ARNT2: variants seen among roughly 807,000 people sequenced by gnomAD.
ARNT2 encodes the protein aryl hydrocarbon receptor nuclear translocator 2.
Under a neutral mutation model 91.7 loss-of-function variants are expected in ARNT2, and 36 were observed. The ratio of observed to expected loss-of-function variants is 0.39; its 90% CI spans 0.30 to 0.52. The LOEUF (loss-of-function observed/expected upper bound fraction) is 0.52, where lower values mean the gene tolerates loss of function less well. ARNT2 is among the 20% of genes least tolerant of loss of function. The probability of loss-of-function intolerance (pLI) is 0.72; values close to 1 mark genes in which losing one functional copy is unlikely to be tolerated. For missense variants in ARNT2, 775 were observed against 939.3 expected (o/e 0.83, Z 2.29); for synonymous variants, 365 against 347.1 (o/e 1.05, Z -0.57).
intron 8 of ARNT2, among the ~76,000 whole-genome samples, chr15:80,517,606 T>A (rs1157471090): frequency 6.6e-6 from 1 of 151,926 alleles, no homozygotes; most frequent in Non-Finnish European, 1.5e-5. Context: ...TTTGAAATTG[T>A]ACCACAATTT....
intron 1 of ARNT2, among the ~76,000 whole-genome samples, chr15:80,426,083 A>G (rs1895928588): frequency 6.6e-6 from 1 of 152,168 alleles, no homozygotes; most frequent in Non-Finnish European, 1.5e-5. Flanking sequence ...AGAAAAGAAA[A>G]GAAACTCTAT....
At position 80,427,229 on chromosome 15, in the gene ARNT2, C is replaced by T. The variant is rs555238707; in HGVS notation, c.31+22683C>T. 4.6e-5 allele frequency among the ~76,000 whole-genome samples: 7 copies of T among 152,278 alleles called. 1 individual carries two copies. The South Asian group carries it at 1.2e-3, about 27-fold the overall frequency. On this transcript the variant is annotated intron_variant, in intron 1 of 18. Transcript: ENST00000303329. Reference sequence around the variant, plus strand: ...GAAGGGCATCAGCAGGAGGACCTGACCACTGGGGCTGGGGCTGTGTGAGTG... The same window carrying T: ...GAAGGGCATCAGCAGGAGGACCTGATCACTGGGGCTGGGGCTGTGTGAGTG...
Position 80,404,500 on chromosome 15 carries a change from A to C in ARNT2, c.-16A>C, listed in dbSNP as rs776919640. 5 of 1,236,218 alleles carry C rather than the reference A, an allele frequency of 4.0e-6. No homozygotes were observed. In the African/African-American group the frequency reaches 6.5e-5, roughly 16 times the overall value. The allele number at this position is 1,236,218 out of a possible 1,614,324, so 76.6% of individuals were successfully genotyped here. A position where few individuals can be genotyped will look rare whatever the true frequency, so the allele number is the denominator to read the frequency against. On this transcript the variant is annotated 5_prime_UTR_variant, in exon 1 of 19. Transcript: ENST00000303329. The surrounding 1 kb of genome is among the most constrained non-coding windows in gnomAD (Gnocchi z 5.5). ...CCGCGCCCCTGCCAAGCGGGCGCCT[A>C]TCCTCTCCGAGCAAGATGGCAACCC...
intron 3 of ARNT2, among the ~76,000 whole-genome samples, chr15:80,461,832 A>G (rs1224964733): frequency 1.3e-5 from 2 of 152,180 alleles, no homozygotes; most frequent in African/African-American, 2.4e-5. Flanking sequence ...GGGCTCAGCC[A>G]AGAAAGCAGC....
intron 12 of ARNT2, among the ~76,000 whole-genome samples, chr15:80,564,349 C>G (rs1898433089): frequency 6.6e-6 from 1 of 152,182 alleles, no homozygotes; most frequent in Admixed American, 6.5e-5. Flanking sequence ...GCTCTGCCCT[C>G]TGTTGCCGTC....
chr15:80,527,516 G>A (rs1055382552), intron 8 of ARNT2, among the ~76,000 whole-genome samples: 9 of 152,184 alleles, frequency 5.9e-5, no homozygotes, highest in African/African-American at 1.7e-4. Flanking sequence ...TACAAGCATG[G>A]GAAATAGTGT....
chr15:80,455,561 G>A (rs1896470007), intron 2 of ARNT2, among the ~76,000 whole-genome samples: 1 of 152,048 alleles, frequency 6.6e-6, no homozygotes, highest in Non-Finnish European at 1.5e-5. Flanking sequence ...AAAGGGCTGG[G>A]TAAAGAACAG....
rs76700021 is a variant in ARNT2, at chr15:80,591,495, G to T, written c.1919-73G>T. ...TTCAGAAGCGGGAGGCCCTCCAGCC[G>T]CAGTGGTTCTTAGGTCTCACAGAAC... On this transcript the variant is annotated intron_variant, in intron 17 of 18. Transcript: ENST00000303329. This position sits in a 1 kb window ranked among gnomAD's most constrained non-coding sequence, Gnocchi z 5.1. 119,769 of 1,584,396 alleles carry T rather than the reference G, an allele frequency of 0.076. 5,277 individuals carry two copies. The highest frequency in any genetic ancestry group is 0.13 in the Admixed American group (7,806 of 59,182).
At chr15:80,571,208 C>T (rs1199205795) in intron 12 of ARNT2, among the ~76,000 whole-genome samples, 4 of 152,144 alleles carry the variant, frequency 2.6e-5, no homozygotes, top group African/African-American at 2.4e-5. Context: ...TGCCCCAAAA[C>T]GTAGTGAGCT....
At chr15:80,517,866 A>G (rs1897465832) in intron 8 of ARNT2, among the ~76,000 whole-genome samples, 1 of 151,912 alleles carries the variant, frequency 6.6e-6, no homozygotes, top group African/African-American at 2.4e-5. Flanking sequence ...TAGAGTTTCC[A>G]TCTCTCTGCT....
chr15:80,567,433 C>T (rs117369199), intron 12 of ARNT2, among the ~76,000 whole-genome samples: 2,459 of 152,260 alleles, frequency 0.016, 38 homozygotes, highest in East Asian at 0.065. Context: ...CTTGAGCTCC[C>T]ATAACGTTCT....
intron 1 of ARNT2, among the ~76,000 whole-genome samples, chr15:80,435,838 A>C (rs1036979549): frequency 3.9e-5 from 6 of 151,990 alleles, no homozygotes; most frequent in Non-Finnish European, 5.9e-5. Flanking sequence ...CATCCGTGTC[A>C]AAAATATGTG....
chr15:80,501,646 C>T (rs74029841), intron 5 of ARNT2, among the ~76,000 whole-genome samples: 2,666 of 152,286 alleles, frequency 0.018, 82 homozygotes, highest in African/African-American at 0.061. Flanking sequence ...GGGCTAACTC[C>T]CGGTCTCAGG....
chr15:80,549,351 G>GT (rs1169663087), intron 8 of ARNT2, among the ~76,000 whole-genome samples: 1 of 152,032 alleles, frequency 6.6e-6, no homozygotes, highest in African/African-American at 2.4e-5. Context: ...GACTCCAGAG[G>GT]TAAAAAAAGG....
At chr15:80,505,490 T>G (rs888419123) in intron 5 of ARNT2, among the ~76,000 whole-genome samples, 1 of 152,362 alleles carries the variant, frequency 6.6e-6, no homozygotes, top group African/African-American at 2.4e-5. Flanking sequence ...CATTATTTAA[T>G]AAGCATTTAT....
chr15:80,568,552 C>T (rs984123585), intron 12 of ARNT2, among the ~76,000 whole-genome samples: 3 of 152,184 alleles, frequency 2.0e-5, no homozygotes, highest in African/African-American at 7.2e-5. Context: ...CAGTGGCCAC[C>T]TGGTTGGTCC....
intron 8 of ARNT2, among the ~76,000 whole-genome samples, chr15:80,522,818 G>GTATA (rs1346650426): frequency 2.7e-5 from 3 of 112,152 alleles, no homozygotes; most frequent in Non-Finnish European, 3.9e-5. Context: ...GTGTGTGTGT[G>GTATA]TGTATATATA....
At chr15:80,569,582 A>G (rs1898549937) in intron 12 of ARNT2, among the ~76,000 whole-genome samples, 1 of 152,164 alleles carries the variant, frequency 6.6e-6, no homozygotes, top group Non-Finnish European at 1.5e-5. Flanking sequence ...GGAGATGCTG[A>G]TGTTCCGACC....
At chr15:80,561,936 C>T (rs1431596096) in intron 11 of ARNT2, among the ~76,000 whole-genome samples, 1 of 152,108 alleles carries the variant, frequency 6.6e-6, no homozygotes, top group African/African-American at 2.4e-5. Context: ...TAAACTTTAT[C>T]ATAGGTGTGT....
Sources: gnomAD v4.1 joint callset for allele counts (sites outside exome capture counted in the v4.1 genomes callset) on GRCh38, gnomAD v4.1.1 for gene constraint, Gnocchi (gnomAD v3.1) non-coding constraint, MANE v1.5 for transcripts, NCBI Gene and HGNC (gene_info 2026-07-23, HGNC 2026-07-21) for gene names.